Variants in PRSS23 observed in about 807,000 individuals in gnomAD.
PRSS23 encodes the protein protease, serine 23.
PRSS23 carries 25 observed loss-of-function variants against 34.7 expected under a neutral mutation model. That is an observed-to-expected ratio of 0.72 (90% CI 0.53 to 1.01). The LOEUF (loss-of-function observed/expected upper bound fraction) is 1.01, where lower values mean the gene tolerates loss of function less well. Among genes scored for constraint, PRSS23 ranks in the 50% least tolerant of loss-of-function variants. PRSS23 has a pLI of 0.00. For synonymous variants in PRSS23, 176 were observed against 186.6 expected, an observed-to-expected ratio of 0.94 and a Z score of 0.46; for missense variants, 445 against 475.6, an observed-to-expected ratio of 0.94 and a Z score of 0.60.
At chr11:86,893,354 C>A (rs1170567923) in intron 2 of PRSS23, among the ~76,000 whole-genome samples, 1 of 152,156 alleles carries the variant, frequency 6.6e-6, no homozygotes, top group Non-Finnish European at 1.5e-5. Flanking sequence ...GTATCTGAAT[C>A]CAAAGCTTCG....
At chr11:86,946,699 C>T (rs1018729376) in intron 2 of PRSS23, 1 of 152,522 alleles carries the variant, frequency 6.6e-6, no homozygotes, top group Non-Finnish European at 1.5e-5. Flanking sequence ...TAAGGAGTTT[C>T]CAAGATCTAT....
At chr11:86,888,735 C>T (rs1948821909) in intron 2 of PRSS23, among the ~76,000 whole-genome samples, 1 of 152,228 alleles carries the variant, frequency 6.6e-6, no homozygotes. Context: ...GTCTAAACCA[C>T]AGGAATTCTA....
chr11:86,879,937 G>C (rs1948761441), intron 2 of PRSS23, among the ~76,000 whole-genome samples: 1 of 151,878 alleles, frequency 6.6e-6, no homozygotes, highest in South Asian at 2.1e-4. Context: ...CACCCCGTCT[G>C]GGAGGTGTAC....
chr11:86,862,548 G>A (rs1473236220), intron 2 of PRSS23, among the ~76,000 whole-genome samples: 3 of 151,782 alleles, frequency 2.0e-5, no homozygotes, highest in African/African-American at 7.3e-5. Context: ...GTCACAGCGT[G>A]ATATTATTCC....
chr11:86,902,958 T>C (rs918735781), intron 2 of PRSS23, among the ~76,000 whole-genome samples: 2 of 152,162 alleles, frequency 1.3e-5, no homozygotes, highest in Admixed American at 6.5e-5. Flanking sequence ...CTTAGTGTTC[T>C]CTCCAAAATA....
chr11:86,896,346 C>T (rs1948875853), intron 2 of PRSS23: 1 of 134,572 alleles, frequency 7.4e-6, no homozygotes, highest in South Asian at 2.7e-4. Flanking sequence ...TTTAATATAG[C>T]ATTGACCTTT....
chr11:86,848,719 G>A (rs1948506454), intron 2 of PRSS23, among the ~76,000 whole-genome samples: 1 of 152,172 alleles, frequency 6.6e-6, no homozygotes, highest in Non-Finnish European at 1.5e-5. Flanking sequence ...AAGCTTGGAG[G>A]CATTATTAAA....
chr11:86,812,593 G>T (rs1470839168), downstream of PRSS23, among the ~76,000 whole-genome samples: 1 of 151,618 alleles, frequency 6.6e-6, no homozygotes, highest in African/African-American at 2.4e-5. Context: ...CTCCAGACCA[G>T]CCCTGCTAAC....
chr11:86,821,693 G>C, intron 1 of PRSS23: 1 of 1,504,206 alleles, frequency 6.6e-7, no homozygotes, highest in East Asian at 2.3e-5. Flanking sequence ...CTTATGTTCT[G>C]TTGAATATAC....
chr11:86,907,911 C>A (rs1293572224), intron 2 of PRSS23, among the ~76,000 whole-genome samples: 1 of 152,174 alleles, frequency 6.6e-6, no homozygotes, highest in Non-Finnish European at 1.5e-5. Flanking sequence ...CCTGCAACCA[C>A]CATCTATTCT....
intron 2 of PRSS23, among the ~76,000 whole-genome samples, chr11:86,916,380 T>G (rs560572572): frequency 6.6e-6 from 1 of 152,276 alleles, no homozygotes; most frequent in African/African-American, 2.4e-5. Context: ...TGTATTGTTC[T>G]TATTTGCTGT....
intron 2 of PRSS23, among the ~76,000 whole-genome samples, chr11:86,827,440 A>G (rs969822275): frequency 6.6e-5 from 10 of 152,070 alleles, no homozygotes; most frequent in Non-Finnish European, 1.5e-4. Context: ...CTTTCAAAAA[A>G]CCAGCTGCTG....
chr11:86,922,063 T>C (rs1025065255), intron 2 of PRSS23: 1 of 152,168 alleles, frequency 6.6e-6, no homozygotes, highest in African/African-American at 2.4e-5. Flanking sequence ...CTTTCCTTTG[T>C]AGCAAGAGCC....
rs1948374249 is a variant in PRSS23 at position 86,833,188 on chromosome 11, A to G, written c.206+9595A>G. 4.5e-6 allele frequency: 5 copies of G among 1,110,096 alleles called. No individual in the cohort carries two copies. The South Asian group carries it at 6.2e-5, about 14-fold the overall frequency. 68.8% of individuals were successfully genotyped at this position (1,110,096 alleles called of 1,614,324 possible). ...AGTCAGGCAGCCTGCATAGGAGATGACTCTGCTGTGAGATTGGATGTCCAC... is the reference window on the plus strand; with the variant it reads ...AGTCAGGCAGCCTGCATAGGAGATGGCTCTGCTGTGAGATTGGATGTCCAC... On this transcript the variant is annotated intron_variant, in intron 2 of 2. Coordinates refer to the PRSS23 transcript ENST00000533902.
At chr11:86,812,046 A>G (rs1394821492), downstream of PRSS23, among the ~76,000 whole-genome samples, 1 of 152,164 alleles carries the variant, frequency 6.6e-6, no homozygotes, top group Non-Finnish European at 1.5e-5. Flanking sequence ...ATTTCTATGG[A>G]TGTTTGATAA....
In PRSS23 at chr11:86,913,984, C is replaced by T. The variant is rs546872224; in HGVS notation, c.207-37232C>T. 4.8e-5 allele frequency among the ~76,000 whole-genome samples: 7 copies of T among 146,386 alleles called. No homozygotes were observed. The South Asian group carries it at 1.5e-3, about 31-fold the overall frequency. On this transcript the variant is annotated intron_variant, in intron 2 of 2. Coordinates refer to the PRSS23 transcript ENST00000533902. Reference sequence around the variant, plus strand: ...TTTTCGGAGGCTGAGGCGGGTGGATCACCTGAGGTCAGGAGTTTGAGACCG... The same window carrying T: ...TTTTCGGAGGCTGAGGCGGGTGGATTACCTGAGGTCAGGAGTTTGAGACCG...
rs1214461348 is a variant in PRSS23 at position 86,884,454 on chromosome 11, C to T, written c.206+60861C>T. On this transcript the variant is annotated intron_variant, in intron 2 of 2. Coordinates refer to the PRSS23 transcript ENST00000533902. Reference sequence around the variant, plus strand: ...AGCTGGGATTACAGGCACGTGCCACCAAACTCAACTAATTTTTGTATTTTT... The same window carrying T: ...AGCTGGGATTACAGGCACGTGCCACTAAACTCAACTAATTTTTGTATTTTT... Among the ~76,000 whole-genome samples, 4 of 152,230 alleles carry T rather than the reference C, an allele frequency of 2.6e-5. No individual in the cohort carries two copies. The South Asian group carries it at 8.3e-4, about 32-fold the overall frequency.
chr11:86,838,482 C>T (rs981822644), intron 2 of PRSS23, among the ~76,000 whole-genome samples: 4 of 152,194 alleles, frequency 2.6e-5, no homozygotes, highest in African/African-American at 9.7e-5. Flanking sequence ...CTCAAACTGG[C>T]TGGAACCCAC....
chr11:86,856,707 T>C (rs1484566497), intron 2 of PRSS23, among the ~76,000 whole-genome samples: 2 of 152,178 alleles, frequency 1.3e-5, no homozygotes, highest in Non-Finnish European at 2.9e-5. Flanking sequence ...ATGCTGCACA[T>C]TGTTTCCATA....
Sources: allele counts gnomAD v4.1 joint callset (sites outside exome capture counted in the v4.1 genomes callset), GRCh38; gene constraint gnomAD v4.1.1; transcripts MANE v1.5; gene names NCBI Gene and HGNC (gene_info 2026-07-23, HGNC 2026-07-21).